NNT: variants seen among roughly 807,000 people sequenced by gnomAD.
NNT encodes NAD(P) transhydrogenase, mitochondrial.
A neutral mutation model predicts 104.8 loss-of-function variants in NNT; 50 were observed. That is an observed-to-expected ratio of 0.48 (90% CI 0.38 to 0.60). The LOEUF (loss-of-function observed/expected upper bound fraction) is 0.60, where lower values mean the gene tolerates loss of function less well. Among genes scored for constraint, NNT ranks in the 20% least tolerant of loss-of-function variants. The probability of loss-of-function intolerance (pLI) is 0.00; values close to 1 mark genes in which losing one functional copy is unlikely to be tolerated. For synonymous variants in NNT, 461 were observed against 490.4 expected (o/e 0.94, Z 0.79); for missense variants, 1,131 against 1,330.7 (o/e 0.85, Z 2.33).
At chr5:43,665,662 C>T (rs185649478) in intron 17 of NNT, among the ~76,000 whole-genome samples, 35 of 152,092 alleles carry the variant, frequency 2.3e-4, no homozygotes, top group African/African-American at 8.4e-4. Flanking sequence ...ACAATCTGAT[C>T]TCTCTTTTCC....
rs1749365296 is a variant in NNT, at chr5:43,609,040, T to C, written c.-53-103T>C. The C allele has an allele frequency of 7.4e-6, 4 of 543,586 alleles. No individual in the cohort carries two copies. In the South Asian group the frequency reaches 1.1e-4, roughly 14 times the overall value. The allele number at this position is 543,586 out of a possible 1,614,324, so 33.7% of individuals were successfully genotyped here. ...TATAGATGTCTACATGTAACTGTTA[T>C]ATTTCAAGCTCTTTAGATTAGTATT... On this transcript the variant is annotated intron_variant, in intron 1 of 21. Coordinates refer to ENST00000344920, the MANE Select transcript of NNT (RefSeq NM_182977.3).
At chr5:43,665,121 G>A (rs374226590) in intron 17 of NNT, among the ~76,000 whole-genome samples, 141 of 152,026 alleles carry the variant, frequency 9.3e-4, no homozygotes, top group South Asian at 3.7e-3. Flanking sequence ...TCTGTACAGC[G>A]GTACATCTAC....
intron 6 of NNT, among the ~76,000 whole-genome samples, chr5:43,625,794 C>T (rs1750332240): frequency 6.6e-6 from 1 of 152,034 alleles, no homozygotes; most frequent in Non-Finnish European, 1.5e-5. Context: ...CATGATTATT[C>T]TTCCAATTCG....
In NNT at chr5:43,619,120, G is replaced by T. The variant is rs1431763934; in HGVS notation, c.687+1G>T. On this transcript the variant is annotated splice_donor_variant, in intron 5 of 21. Transcript: ENST00000344920. LOFTEE classifies it high-confidence loss of function. The stretch of plus-strand genomic sequence containing the variant: ...TGCTGGAAAAGTTCCTCCAGCTAAG[G>T]TAGGTACAACTTTTAATGTTTCTTT... 6.6e-7 allele frequency: 1 copy of T among 1,526,070 alleles called. No individual in the cohort carries two copies. The highest frequency in any genetic ancestry group is 8.8e-7 in the Non-Finnish European group (1 of 1,132,356). The allele number at this position is 1,526,070 out of a possible 1,614,324, so 94.5% of individuals were successfully genotyped here.
intron 1 of NNT, among the ~76,000 whole-genome samples, chr5:43,605,575 T>G (rs1749176302): frequency 6.6e-6 from 1 of 151,238 alleles, no homozygotes; most frequent in Non-Finnish European, 1.5e-5. Context: ...CCCCTAATTT[T>G]GAGTTATAAA....
intron 20 of NNT, among the ~76,000 whole-genome samples, chr5:43,701,816 T>C (rs1742865336): frequency 6.6e-6 from 1 of 152,222 alleles, no homozygotes; most frequent in Admixed American, 6.5e-5. Context: ...TGCTTTGCAT[T>C]TCTCTTATGT....
At chr5:43,656,169 G>A (rs774224803) in intron 15 of NNT, 96 bp downstream of exon 15, 34 of 1,068,774 alleles carry the variant, frequency 3.2e-5, no homozygotes, top group South Asian at 5.9e-5. Context: ...AGGGCTGGGC[G>A]CAATGGCTCA....
intron 18 of NNT, among the ~76,000 whole-genome samples, chr5:43,676,636 A>G (rs1741429406): frequency 1.3e-5 from 2 of 152,226 alleles, no homozygotes. Flanking sequence ...CCAAAGTAGC[A>G]TTGGTCTTAC....
intron 17 of NNT, among the ~76,000 whole-genome samples, chr5:43,664,458 T>A (rs920817782): frequency 5.9e-5 from 9 of 152,244 alleles, no homozygotes; most frequent in Admixed American, 2.6e-4. Flanking sequence ...AGCATTGAAA[T>A]GAGAGATGCT....
chr5:43,644,065 G>A (rs1375097337), intron 7 of NNT, 127 bp from the exon 8 acceptor site: 2 of 820,868 alleles, frequency 2.4e-6, no homozygotes, highest in Admixed American at 2.9e-5. Context: ...GTCTTTAGGG[G>A]TCTCTTGGAA....
intron 5 of NNT, among the ~76,000 whole-genome samples, chr5:43,620,046 A>G (rs1381058474): frequency 6.6e-6 from 1 of 152,114 alleles, no homozygotes; most frequent in Non-Finnish European, 1.5e-5. Context: ...ATCCACTCCC[A>G]TGACCCAAAC....
intron 19 of NNT, among the ~76,000 whole-genome samples, chr5:43,685,055 A>T (rs1230315681): frequency 2.0e-5 from 3 of 152,184 alleles, no homozygotes; most frequent in African/African-American, 7.2e-5. Flanking sequence ...CAGTGTGCAA[A>T]CATTTTTGGT....
At chr5:43,626,403 A>C (rs145332473) in intron 6 of NNT, among the ~76,000 whole-genome samples, 108 of 152,292 alleles carry the variant, frequency 7.1e-4, no homozygotes, top group African/African-American at 2.5e-3. Flanking sequence ...CATGGAACCA[A>C]TTCCCCATGG....
chr5:43,690,136 C>T (rs963616511), intron 19 of NNT, among the ~76,000 whole-genome samples: 4 of 152,028 alleles, frequency 2.6e-5, no homozygotes, highest in African/African-American at 7.2e-5. Context: ...TGCTAGAGAT[C>T]GACACATCCA....
Position 43,650,599 on chromosome 5 carries a change from G to A in NNT, c.1717+12G>A, listed in dbSNP as rs1392245344. 3.2e-6 allele frequency: 5 copies of A among 1,580,962 alleles called. No individual in the cohort carries two copies. In the African/African-American group the frequency reaches 5.4e-5, roughly 17 times the overall value. ...TGTCAACATTGCAGGTATGATGTCA[G>A]TGAAAGGTCTCAGTACTATTTTCAA... On this transcript the variant is annotated intron_variant, in intron 12 of 21. Transcript: ENST00000344920.
At chr5:43,644,929 G>A (rs1348189323) in intron 9 of NNT, 127 bp downstream of exon 9, 1 of 666,882 alleles carries the variant, frequency 1.5e-6, no homozygotes, top group African/African-American at 1.8e-5. Context: ...CCAGCTTTAT[G>A]CTGATAAAAA....
intron 17 of NNT, chr5:43,666,836 C>T (rs1740725074): frequency 1.4e-6 from 2 of 1,408,146 alleles, no homozygotes; most frequent in Non-Finnish European, 2.0e-6. Context: ...GGAGCTGCAG[C>T]CTGGGCCTTG....
rs1743122123 is a variant in NNT at position 43,707,340 on chromosome 5, AATGT to A, written c.*2939_*2942del. ...AATTAGAAAGATTTTGTCATTCCAC[AATGT>A]ATATATACTTAAAAATATGTTATAC... is the stretch of plus-strand genomic sequence containing the variant. On this transcript the variant is annotated 3_prime_UTR_variant, in exon 22 of 22. Coordinates refer to ENST00000344920, the MANE Select transcript of NNT (RefSeq NM_182977.3). 6.6e-6 allele frequency: 1 copy of A among 152,230 alleles called. No homozygotes were observed. Among genetic ancestry groups the A allele is most frequent in the Admixed American group, 6.5e-5 (1 of 15,288 alleles). The allele number at this position is 152,230 out of a possible 1,614,324, so 9.4% of individuals were successfully genotyped here. A position where few individuals can be genotyped will look rare whatever the true frequency, so the allele number is the denominator to read the frequency against.
At chr5:43,632,473 A>G (rs189304816) in intron 7 of NNT, among the ~76,000 whole-genome samples, 1 of 152,338 alleles carries the variant, frequency 6.6e-6, no homozygotes, top group Admixed American at 6.5e-5. Context: ...TCTTGAAAAA[A>G]CAATGAACTT....
Sources: allele counts gnomAD v4.1 joint callset (sites outside exome capture counted in the v4.1 genomes callset), GRCh38; gene constraint gnomAD v4.1.1; transcripts MANE v1.5; gene names NCBI Gene and HGNC (gene_info 2026-07-23, HGNC 2026-07-21).